The following FAAH2 variants were observed in gnomAD, a reference collection of about 807,000 sequenced individuals.
The protein encoded by FAAH2 is fatty acid amide hydrolase 2.
In FAAH2, 60 loss-of-function variants were observed where a neutral mutation model predicts 36.9. That is an observed-to-expected ratio of 1.63 (90% CI 1.32 to 2.02). FAAH2 has a LOEUF of 2.02. Among genes scored for constraint, FAAH2 ranks in the 30% most tolerant of loss-of-function variants. FAAH2 has a pLI of 0.00. For missense variants in FAAH2, 689 were observed against 397.5 expected, an observed-to-expected ratio of 1.73 and a Z score of -6.23; for synonymous variants, 214 against 143.8, an observed-to-expected ratio of 1.49 and a Z score of -3.49.
intron 5 of FAAH2, among the ~76,000 whole-genome samples, chrX:57,361,443 T>C (rs2054283385): frequency 9.0e-6 from 1 of 111,404 alleles, no homozygotes; most frequent in Non-Finnish European, 1.9e-5. Flanking sequence ...TTCCTCTTAG[T>C]ACAACTACTA....
intron 7 of FAAH2, among the ~76,000 whole-genome samples, chrX:57,413,155 T>C (rs1227522765): frequency 8.9e-6 from 1 of 112,015 alleles, no homozygotes; most frequent in Non-Finnish European, 1.9e-5. Context: ...TGCAAAAATT[T>C]TCTCCTATTC....
intron 2 of FAAH2, among the ~76,000 whole-genome samples, chrX:57,303,466 G>T (rs1237521928): frequency 8.9e-6 from 1 of 112,141 alleles, no homozygotes; most frequent in African/African-American, 3.2e-5. Context: ...AGAACCTGAT[G>T]AATTAGAAAT....
At chrX:57,145,209 A>T in the FAAH2 span, among the ~76,000 whole-genome samples, 4 of 104,970 alleles carry the variant, frequency 3.8e-5, no homozygotes, top group East Asian at 1.2e-3. Flanking sequence ...CCACATCCAT[A>T]CCAGCATCTA....
chrX:57,133,949 C>A, the FAAH2 span, among the ~76,000 whole-genome samples: 1 of 111,464 alleles, frequency 9.0e-6, no homozygotes, highest in African/African-American at 3.3e-5. Flanking sequence ...CAGCTCCTTG[C>A]ATCTCCCACT....
intron 10 of FAAH2, among the ~76,000 whole-genome samples, chrX:57,485,475 C>T (rs897604361): frequency 4.5e-5 from 5 of 111,746 alleles, no homozygotes; most frequent in Non-Finnish European, 9.4e-5. Context: ...CTTCTTTGTA[C>T]TTCAGCTGTG....
chrX:57,280,292 C>G, the FAAH2 span, among the ~76,000 whole-genome samples: 4 of 107,037 alleles, frequency 3.7e-5, no homozygotes, highest in African/African-American at 1.0e-4. Context: ...AAAAAACAGT[C>G]TTTAATAGAA....
At chrX:57,300,295 C>T (rs4826347) in intron 2 of FAAH2, among the ~76,000 whole-genome samples, 3 of 109,868 alleles carry the variant, frequency 2.7e-5, no homozygotes, top group Non-Finnish European at 5.7e-5. Flanking sequence ...CCCTCAGAAA[C>T]AATGCCGCAT....
chrX:57,193,165 C>T, the FAAH2 span, among the ~76,000 whole-genome samples: 1 of 111,905 alleles, frequency 8.9e-6, no homozygotes, highest in South Asian at 3.8e-4. Context: ...AGGAACATCC[C>T]TGGGAAAGAG....
chrX:57,143,085 G>C, the FAAH2 span, among the ~76,000 whole-genome samples: 14 of 111,185 alleles, frequency 1.3e-4, no homozygotes, highest in South Asian at 1.1e-3. Context: ...CTTTTGATTA[G>C]ATCATTTATT....
chrX:57,334,107 T>A (rs1261505192), intron 4 of FAAH2, among the ~76,000 whole-genome samples: 1 of 110,305 alleles, frequency 9.1e-6, no homozygotes, highest in Non-Finnish European at 1.9e-5. Context: ...CCATCTCTAC[T>A]AAAAATACAA....
At chrX:57,207,181 A>G in the FAAH2 span, among the ~76,000 whole-genome samples, 1 of 111,186 alleles carries the variant, frequency 9.0e-6, no homozygotes, top group African/African-American at 3.3e-5. Context: ...TCAGGGCTGT[A>G]TGATTGCTCA....
chrX:57,384,445 C>A (rs2054953481), intron 7 of FAAH2, among the ~76,000 whole-genome samples: 1 of 106,997 alleles, frequency 9.3e-6, no homozygotes, highest in Non-Finnish European at 1.9e-5. Flanking sequence ...AGCTAACATC[C>A]AGAATCTACA....
chrX:57,456,663 C>A (rs1239942748), intron 10 of FAAH2, among the ~76,000 whole-genome samples: 5 of 112,057 alleles, frequency 4.5e-5, no homozygotes, highest in Admixed American at 3.8e-4. Context: ...ATACAGAACA[C>A]CTTTGTGAAC....
In FAAH2 at chrX:57,468,209, C is replaced by T. The variant is rs764486492; in HGVS notation, c.1423+19491C>T. 6.3e-5 allele frequency among the ~76,000 whole-genome samples: 7 copies of T among 111,846 alleles called. No homozygotes were observed. The East Asian group carries it at 1.4e-3, about 23-fold the overall frequency. On this transcript the variant is annotated intron_variant, in intron 10 of 10. Transcript: ENST00000374900. Reference sequence around the variant, plus strand: ...GAGCACCTCTCCCCCTCCAAAGGAACGCAGCTCCTCAACAGCAATGGAACA... The same window carrying T: ...GAGCACCTCTCCCCCTCCAAAGGAATGCAGCTCCTCAACAGCAATGGAACA...
intron 3 of FAAH2, among the ~76,000 whole-genome samples, chrX:57,314,932 A>C (rs748869495): frequency 9.0e-6 from 1 of 111,162 alleles, no homozygotes; most frequent in Non-Finnish European, 1.9e-5. Flanking sequence ...AAATAACTAA[A>C]ATTAGAGAAC....
chrX:57,256,497 C>T, the FAAH2 span, among the ~76,000 whole-genome samples: 2 of 111,645 alleles, frequency 1.8e-5, no homozygotes, highest in Non-Finnish European at 3.8e-5. Context: ...AAGTTGAAGG[C>T]ACCACGCTAC....
intron 8 of FAAH2, among the ~76,000 whole-genome samples, chrX:57,432,853 T>G (rs889556330): frequency 2.7e-5 from 3 of 111,257 alleles, no homozygotes; most frequent in Non-Finnish European, 5.7e-5. Flanking sequence ...TACGTAAAAT[T>G]AAGCTATTGA....
chrX:57,286,046 C>T, upstream of FAAH2, among the ~76,000 whole-genome samples: 1 of 110,892 alleles, frequency 9.0e-6, no homozygotes, highest in Non-Finnish European at 1.9e-5. Flanking sequence ...GATGAAAATT[C>T]CATTTGTAGA....
chrX:57,303,335 C>T (rs2052432316), intron 2 of FAAH2, among the ~76,000 whole-genome samples: 1 of 111,978 alleles, frequency 8.9e-6, no homozygotes, highest in South Asian at 3.7e-4. Context: ...TTGTAACCCA[C>T]TTCCTAAATT....
Sources: gnomAD v4.1 joint callset for allele counts (sites outside exome capture counted in the v4.1 genomes callset) on GRCh38, gnomAD v4.1.1 for gene constraint, MANE v1.5 for transcripts, NCBI Gene and HGNC (gene_info 2026-07-23, HGNC 2026-07-21) for gene names.